Variants in MAML2 observed in about 807,000 individuals in gnomAD.
The protein encoded by MAML2 is mastermind-like protein 2.
MAML2 carries 22 observed loss-of-function variants against 96.1 expected under a neutral mutation model. The ratio of observed to expected loss-of-function variants is 0.23; its 90% CI spans 0.16 to 0.33. MAML2 has a LOEUF of 0.33. Ranked by LOEUF, MAML2 falls within the 10% of genes least tolerant of loss-of-function variation. The pLI is 1.00. For synonymous variants in MAML2, 561 were observed against 521.3 expected (o/e 1.08, Z -1.04); for missense variants, 1,367 against 1,392.4 (o/e 0.98, Z 0.29).
At chr11:96,054,661 T>C (rs1859034723) in intron 2 of MAML2, among the ~76,000 whole-genome samples, 1 of 152,212 alleles carries the variant, frequency 6.6e-6, no homozygotes, top group Non-Finnish European at 1.5e-5. Context: ...ACTTACCCTT[T>C]GTTCCCATAT....
chr11:96,122,387 G>A (rs1338956241), intron 1 of MAML2, among the ~76,000 whole-genome samples: 3 of 151,932 alleles, frequency 2.0e-5, no homozygotes, highest in Non-Finnish European at 2.9e-5. Flanking sequence ...CTACTTAAGT[G>A]CCCTACTGTA....
At position 95,979,307 on chromosome 11, in the gene MAML2, C is replaced by T; in HGVS notation, c.3112G>A (p.Gly1038Arg). The part of the protein sequence containing the change: ...PMNQMSQTLN[G>R]QTMGPLRGLN... ...CCCCTGAGGGGACCCATGGTTTGCCCATTTAGTGTTTGGCTCATTTGGTTC... is the reference window on the plus strand; with the variant it reads ...CCCCTGAGGGGACCCATGGTTTGCCTATTTAGTGTTTGGCTCATTTGGTTC... The change falls in exon 5 of 5, where the codon GGG becomes AGG. Residue 1038 changes from glycine (G) to arginine (R), a missense_variant. Gly to Arg is a moderately radical substitution (Grantham distance 125). Transcript: ENST00000524717. 1 of 1,613,946 alleles carries T rather than the reference C, an allele frequency of 6.2e-7. No individual in the cohort carries two copies. Among genetic ancestry groups the T allele is most frequent in the Non-Finnish European group, 8.5e-7 (1 of 1,179,870 alleles).
chr11:96,333,665 C>G (rs186564750), intron 1 of MAML2, among the ~76,000 whole-genome samples: 3 of 152,172 alleles, frequency 2.0e-5, no homozygotes, highest in African/African-American at 7.2e-5. Flanking sequence ...GTTGGAAAGA[C>G]GGCAAATCTG....
intron 1 of MAML2, among the ~76,000 whole-genome samples, chr11:96,168,753 T>C (rs12808817): frequency 0.073 from 11,155 of 152,094 alleles, 498 homozygotes; most frequent in Non-Finnish European, 0.098. Context: ...AACCTCAGGG[T>C]CCTTCCATGG....
intron 1 of MAML2, among the ~76,000 whole-genome samples, chr11:96,272,787 T>G (rs1862935444): frequency 6.6e-6 from 1 of 152,222 alleles, no homozygotes; most frequent in South Asian, 2.1e-4. Flanking sequence ...ACTTCTAACT[T>G]GCTGTACAAT....
Position 95,985,563 on chromosome 11 carries a change from A to C in MAML2, c.2423T>G (p.Val808Gly). The part of the protein sequence containing the change: ...PPDYKDQRRN[V>G]GNMQPTAQYS... ...CTGAGCAGTTGGTTGCATATTGCCCACATTTCTTCTTTGGTCTTTATAATC... is the reference window on the plus strand; with the variant it reads ...CTGAGCAGTTGGTTGCATATTGCCCCCATTTCTTCTTTGGTCTTTATAATC... Residue 808 changes from valine to glycine, a missense_variant, in exon 4 of 5, where the codon GTG (valine) becomes GGG (glycine). By Grantham distance (109) the Val-to-Gly change is moderately radical. Coordinates refer to ENST00000524717, the MANE Select transcript of MAML2 (RefSeq NM_032427.4). 1 of 1,612,000 alleles carries C rather than the reference A, an allele frequency of 6.2e-7. No homozygotes were observed. The highest frequency in any genetic ancestry group is 2.2e-5 in the East Asian group (1 of 44,776).
At chr11:96,274,806 A>C (rs1862964559) in intron 1 of MAML2, among the ~76,000 whole-genome samples, 1 of 152,174 alleles carries the variant, frequency 6.6e-6, no homozygotes, top group South Asian at 2.1e-4. Context: ...AAATATTCAA[A>C]TATTGCTAAA....
chr11:96,230,515 C>T (rs1024792438), intron 1 of MAML2, among the ~76,000 whole-genome samples: 1 of 152,134 alleles, frequency 6.6e-6, no homozygotes, highest in African/African-American at 2.4e-5. Flanking sequence ...TTATAGCATC[C>T]TATATGCAGA....
In MAML2 at chr11:96,342,061, G is replaced by GCC; in HGVS notation, c.-167_-166insGG. On this transcript the variant is annotated 5_prime_UTR_variant, in exon 1 of 5. Coordinates refer to ENST00000524717, the MANE Select transcript of MAML2 (RefSeq NM_032427.4). ...GGAGCCGTGGAGAAGTTGTGGGGGA[G>GCC]GGGAGTTAGTAAAAAGAGGGTGGGG... 1 of 628,124 alleles carries GCC rather than the reference G, an allele frequency of 1.6e-6. No individual in the cohort carries two copies. Among genetic ancestry groups the GCC allele is most frequent in the Non-Finnish European group, 2.7e-6 (1 of 374,478 alleles). 38.9% of individuals were successfully genotyped at this position (628,124 alleles called of 1,614,324 possible).
At chr11:96,153,783 C>T (rs1385573734) in intron 1 of MAML2, among the ~76,000 whole-genome samples, 1 of 152,072 alleles carries the variant, frequency 6.6e-6, no homozygotes, top group Admixed American at 6.5e-5. Flanking sequence ...TGGTGGCACA[C>T]ACCTGCAATC....
intron 1 of MAML2, among the ~76,000 whole-genome samples, chr11:96,149,416 C>CAAAAAA (rs1491559824): frequency 7.6e-4 from 5 of 6,592 alleles, no homozygotes; most frequent in Non-Finnish European, 1.4e-3. Flanking sequence ...GACTCCGTCA[C>CAAAAAA]AAAAAAAAAA....
intron 1 of MAML2, among the ~76,000 whole-genome samples, chr11:96,113,678 C>T (rs1325771065): frequency 2.0e-5 from 3 of 150,706 alleles, no homozygotes; most frequent in South Asian, 2.1e-4. Flanking sequence ...GAAATGGTTA[C>T]GAATGATGAA....
chr11:96,157,249 C>G (rs531469912), intron 1 of MAML2, among the ~76,000 whole-genome samples: 9 of 152,318 alleles, frequency 5.9e-5, no homozygotes, highest in African/African-American at 2.2e-4. Flanking sequence ...GAAGTGACAC[C>G]TGGTAGGAGA....
At chr11:96,320,196 G>A (rs1321811581) in intron 1 of MAML2, among the ~76,000 whole-genome samples, 1 of 152,174 alleles carries the variant, frequency 6.6e-6, no homozygotes, top group African/African-American at 2.4e-5. Flanking sequence ...GAATGAAGTG[G>A]AATGAACTCC....
intron 1 of MAML2, among the ~76,000 whole-genome samples, chr11:96,310,308 G>A (rs536733337): frequency 3.3e-5 from 5 of 151,940 alleles, no homozygotes; most frequent in African/African-American, 1.2e-4. Context: ...TAAAAATTTT[G>A]AAACAAACTT....
chr11:96,318,037 G>T (rs1175902519), intron 1 of MAML2, among the ~76,000 whole-genome samples: 1 of 152,202 alleles, frequency 6.6e-6, no homozygotes, highest in Non-Finnish European at 1.5e-5. Flanking sequence ...TTGCTTTAGA[G>T]GTTACTAGGC....
intron 2 of MAML2, 49 bp from the exon 3 acceptor site, chr11:95,991,772 A>G (rs1309509851): frequency 2.1e-6 from 3 of 1,426,020 alleles, no homozygotes; most frequent in Admixed American, 1.7e-5. Flanking sequence ...TTAAAAAAAG[A>G]AAAATGTAGC....
chr11:96,022,535 A>T (rs1398059692), intron 2 of MAML2, among the ~76,000 whole-genome samples: 1 of 152,148 alleles, frequency 6.6e-6, no homozygotes, highest in Admixed American at 6.6e-5. Context: ...GCCCATAAGC[A>T]TATGTGACAG....
At chr11:96,234,256 C>T (rs556905621) in intron 1 of MAML2, among the ~76,000 whole-genome samples, 13 of 152,194 alleles carry the variant, frequency 8.5e-5, no homozygotes, top group South Asian at 6.2e-4. Flanking sequence ...CCAAGGCGGG[C>T]GGGTCACCTA....
Sources: gnomAD v4.1 joint callset for allele counts (sites outside exome capture counted in the v4.1 genomes callset) on GRCh38, gnomAD v4.1.1 for gene constraint, MANE v1.5 for transcripts, NCBI Gene and HGNC (gene_info 2026-07-23, HGNC 2026-07-21) for gene names.